SETD5: variants seen among roughly 807,000 people sequenced by gnomAD.
SETD5 encodes SET domain containing 5, also known as histone-lysine N-methyltransferase SETD5.
Under a neutral mutation model 153.3 loss-of-function variants are expected in SETD5, and 44 were observed. The ratio of observed to expected loss-of-function variants is 0.29; its 90% CI spans 0.23 to 0.37. SETD5 has a LOEUF of 0.37. Ranked by LOEUF, SETD5 falls within the 10% of genes least tolerant of loss-of-function variation. SETD5 has a pLI of 1.00. For synonymous variants in SETD5, 716 were observed against 645.2 expected (o/e 1.11, Z -1.66); for missense variants, 1,544 against 1,768.0 (o/e 0.87, Z 2.27).
chr3:9,462,934 CTTTT>C (rs969915704), intron 17 of SETD5, among the ~76,000 whole-genome samples: 3 of 143,046 alleles, frequency 2.1e-5, no homozygotes, highest in Non-Finnish European at 4.6e-5. Context: ...GAAAATACAG[CTTTT>C]TTTTTTTTTT....
intron 10 of SETD5, among the ~76,000 whole-genome samples, chr3:9,442,477 A>G (rs1319304484): frequency 6.6e-6 from 1 of 152,250 alleles, no homozygotes; most frequent in Non-Finnish European, 1.5e-5. Flanking sequence ...GCATTTGCTA[A>G]GGAGAAAAAG....
intron 18 of SETD5, among the ~76,000 whole-genome samples, chr3:9,466,161 G>A (rs945962408): frequency 2.6e-5 from 4 of 151,706 alleles, no homozygotes; most frequent in Non-Finnish European, 4.4e-5. Context: ...GGTAGTGGGC[G>A]CCTGTAGTCC....
At chr3:9,466,204 C>T (rs575351498) in intron 18 of SETD5, among the ~76,000 whole-genome samples, 2 of 145,962 alleles carry the variant, frequency 1.4e-5, no homozygotes, top group South Asian at 2.2e-4. Flanking sequence ...AGGAGAATGG[C>T]GTGAACCCGG....
intron 3 of SETD5, chr3:9,430,916 G>A (rs1186204194): frequency 5.1e-6 from 5 of 985,280 alleles, no homozygotes; most frequent in South Asian, 9.4e-5. Flanking sequence ...AGACAGATTT[G>A]TGATACTGTG....
intron 3 of SETD5, among the ~76,000 whole-genome samples, chr3:9,433,047 TATATACCATGTTTAGTGGTTG>T (rs2040161052): frequency 6.6e-6 from 1 of 152,182 alleles, no homozygotes; most frequent in Admixed American, 6.5e-5. Flanking sequence ...AAAAATGGAG[TATATACCATGTTTAGTGGTTG>T]CTGAAATTAA....
intron 18 of SETD5, among the ~76,000 whole-genome samples, chr3:9,468,960 A>G (rs949186259): frequency 3.3e-5 from 5 of 152,154 alleles, no homozygotes; most frequent in African/African-American, 1.2e-4. Context: ...AGTTGAGTCA[A>G]AAGTTGTAAG....
In SETD5 at chr3:9,433,933, C is replaced by T; in HGVS notation, c.160C>T (p.Arg54Ter). The T allele has an allele frequency of 6.2e-7, 1 of 1,613,822 alleles. No homozygotes were observed. The highest frequency in any genetic ancestry group is 8.5e-7 in the Non-Finnish European group (1 of 1,179,844). The change falls in exon 4 of 23, where the codon CGA becomes TGA. Residue 54 changes from arginine to a stop codon, truncating the protein, a stop_gained. Transcript: ENST00000402198. LOFTEE classifies it high-confidence loss of function. ...TGGGACCACTCAGAGGCATGGGTGT[C>T]GAGGACTGCCTTATGCTGTGAGTAT... ...NYGTTQRHGC[R>*]GLPYATIIPR... is the part of the protein sequence containing the mutation.
intron 18 of SETD5, among the ~76,000 whole-genome samples, chr3:9,466,767 G>A (rs894006639): frequency 1.3e-5 from 2 of 152,180 alleles, no homozygotes; most frequent in South Asian, 4.1e-4. Context: ...GCTCACACCT[G>A]TAATCACAGT....
chr3:9,472,507 T>G (rs1486233780), intron 19 of SETD5, among the ~76,000 whole-genome samples: 1 of 152,194 alleles, frequency 6.6e-6, no homozygotes, highest in African/African-American at 2.4e-5. Context: ...TACCAAGTTG[T>G]TTTCTAGAGC....
At chr3:9,448,664 ATG>A (rs759479579) in intron 16 of SETD5, 34 bp downstream of exon 16, 2 of 1,482,324 alleles carry the variant, frequency 1.3e-6, no homozygotes, top group Non-Finnish European at 9.0e-7. Context: ...TGTTGTGTTT[ATG>A]TGTGTGTGCT....
At chr3:9,400,415 A>G (rs866118711) in intron 1 of SETD5, among the ~76,000 whole-genome samples, 2 of 152,188 alleles carry the variant, frequency 1.3e-5, no homozygotes, top group South Asian at 2.1e-4. Flanking sequence ...TGCAGCTCAC[A>G]TATCATGCCT....
chr3:9,475,893 C>G lies in SETD5; in HGVS notation c.4131C>G (p.Asn1377Lys). The G allele has an allele frequency of 6.2e-7, 1 of 1,614,032 alleles. No homozygotes were observed. Among genetic ancestry groups the G allele is most frequent in the Non-Finnish European group, 8.5e-7 (1 of 1,179,888 alleles). Residue 1377 changes from asparagine (N) to lysine (K), a missense_variant, in exon 23 of 23, where the codon AAC (asparagine) becomes AAG (lysine). Around this residue, in one of 9 missense-constraint regions of SETD5, gnomAD observed 302 missense variants for 277.6 expected, o/e 1.09. Coordinates refer to ENST00000402198, the MANE Select transcript of SETD5 (RefSeq NM_001080517.3). ...GTLSSTSFPQ[N>K]SRSSLPSDLR... ...TGAGTTCCACCTCCTTTCCTCAGAA[C>G]TCTAGGTCGTCATTGCCATCAGACT...
Position 9,475,067 on chromosome 3 carries a change from G to A in SETD5, c.3632-1G>A, listed in dbSNP as rs1448086604. On this transcript the variant is annotated splice_acceptor_variant, in intron 21 of 22. Coordinates refer to ENST00000402198, the MANE Select transcript of SETD5 (RefSeq NM_001080517.3). LOFTEE classifies it high-confidence loss of function. ...TTTTTTTTATATATGTTACCTTCCA[G>A]ACCCTGCAGATGGAGAAGGCCCAGA... The A allele has an allele frequency of 6.3e-7, 1 of 1,578,208 alleles. No homozygotes were observed. The highest frequency in any genetic ancestry group is 8.6e-7 in the Non-Finnish European group (1 of 1,162,292).
intron 1 of SETD5, among the ~76,000 whole-genome samples, chr3:9,416,487 CTCGTGTCATAA>C (rs1396489121): frequency 1.3e-5 from 2 of 152,116 alleles, no homozygotes; most frequent in African/African-American, 4.8e-5. Context: ...TATCAACAAA[CTCGTGTCATAA>C]AAATAGTTTA....
chr3:9,416,977 T>A (rs1471790037), intron 1 of SETD5, among the ~76,000 whole-genome samples: 1 of 152,092 alleles, frequency 6.6e-6, no homozygotes, highest in Admixed American at 6.6e-5. Context: ...GCATGAATAG[T>A]GTAAACAAAG....
intron 1 of SETD5, among the ~76,000 whole-genome samples, chr3:9,402,801 G>A (rs1301113620): frequency 1.3e-5 from 2 of 152,184 alleles, no homozygotes; most frequent in African/African-American, 4.8e-5. Flanking sequence ...TTTTTGATTT[G>A]TGCTACCTAA....
chr3:9,429,007 A>G lies in SETD5; in HGVS notation c.69A>G (p.Ser23=), dbSNP rs1303903255. The G allele has an allele frequency of 1.2e-6, 2 of 1,611,448 alleles. No homozygotes were observed. The highest frequency in any genetic ancestry group is 1.3e-5 in the African/African-American group (1 of 74,996). Residue 23 remains serine, a splice_region_variant and synonymous_variant, in exon 3 of 23, where the codon TCA becomes TCG. Coordinates refer to ENST00000402198, the MANE Select transcript of SETD5 (RefSeq NM_001080517.3). ...CCTACTCAGATATGGCTGCTGGATC[A>G]GAGTAAGTGCTACTTTCTAGGTAGT... is the stretch of plus-strand genomic sequence containing the variant. ...DTSYSDMAAG[S]DPESVEASPA... is the part of the protein sequence containing the mutation.
chr3:9,453,361 G>A (rs1480422630), intron 16 of SETD5, among the ~76,000 whole-genome samples: 1 of 151,956 alleles, frequency 6.6e-6, no homozygotes. Context: ...CTTCCTTCTA[G>A]GCGCTTATTT....
intron 18 of SETD5, 115 bp downstream of exon 18, chr3:9,464,787 A>G (rs1460583904): frequency 6.6e-7 from 1 of 1,526,164 alleles, no homozygotes. Flanking sequence ...TCCCCATCTC[A>G]GTAAGAGAAT....
Sources: gnomAD v4.1 joint callset for allele counts (sites outside exome capture counted in the v4.1 genomes callset) on GRCh38, gnomAD v4.1.1 for gene constraint, gnomAD v4.1.1 regional missense constraint, MANE v1.5 for transcripts, NCBI Gene and HGNC (gene_info 2026-07-23, HGNC 2026-07-21) for gene names.